NUP54: variants seen among roughly 807,000 people sequenced by gnomAD.
NUP54 encodes the protein nucleoporin 54, also known as nucleoporin p54.
Under a neutral mutation model 66.4 loss-of-function variants are expected in NUP54, and 27 were observed. The ratio of observed to expected loss-of-function variants is 0.41; its 90% CI spans 0.30 to 0.56. The LOEUF (loss-of-function observed/expected upper bound fraction) is 0.56, where lower values mean the gene tolerates loss of function less well. NUP54 is among the 20% of genes least tolerant of loss of function. NUP54 has a pLI of 0.34. For missense variants in NUP54, 486 were observed against 596.3 expected (o/e 0.82, Z 1.93); for synonymous variants, 206 against 210.7 (o/e 0.98, Z 0.19).
chr4:76,127,432 CAA>C (rs59383944), intron 8 of NUP54, among the ~76,000 whole-genome samples: 7 of 54,772 alleles, frequency 1.3e-4, no homozygotes, highest in Admixed American at 2.2e-4. Context: ...ACCCCCATCT[CAA>C]AAAAAAAAAA....
chr4:76,137,183 G>A (rs533344003), intron 3 of NUP54, among the ~76,000 whole-genome samples: 1 of 152,208 alleles, frequency 6.6e-6, no homozygotes, highest in East Asian at 1.9e-4. Flanking sequence ...TTTTTGTAGA[G>A]ACAGGGTCTT....
rs757576656 is a variant in NUP54, at chr4:76,136,321, C to T, written c.387G>A (p.Leu129=). The T allele has an allele frequency of 1.9e-6, 3 of 1,614,058 alleles. No individual in the cohort carries two copies. In the Middle Eastern group the frequency reaches 4.9e-4, roughly 266 times the overall value. ...NTASALSAPT[L]LGDERDAILA... is the part of the protein sequence containing the mutation. Reference sequence around the variant, plus strand: ...AAATAGCATCTCTCTCATCTCCCAACAGCGTTGGAGCAGAAAGAGCACTCG... The same window carrying T: ...AAATAGCATCTCTCTCATCTCCCAATAGCGTTGGAGCAGAAAGAGCACTCG... The change falls in exon 4 of 12, where the codon CTG becomes CTA. Residue 129 remains leucine (L), a synonymous_variant. Coordinates refer to ENST00000264883, the MANE Select transcript of NUP54 (RefSeq NM_017426.4).
chr4:76,132,624 T>C lies in NUP54; in HGVS notation c.806A>G (p.Asn269Ser), dbSNP rs777134098. ...AAGTTGCTGCAATTGTGTTTTTATA[T>C]TGGCTTGTTCAAAATGGGCATATAG... ...TTLYAHFEQA[N>S]IKTQLQQLGV... is the part of the protein sequence containing the mutation. Residue 269 changes from asparagine to serine, a missense_variant, in exon 6 of 12, where the codon AAT (asparagine) becomes AGT (serine). Asn to Ser is a conservative substitution (Grantham distance 46). Coordinates refer to ENST00000264883, the MANE Select transcript of NUP54 (RefSeq NM_017426.4). 1.4e-5 allele frequency: 22 copies of C among 1,614,026 alleles called. No homozygotes were observed. Among genetic ancestry groups the C allele is most frequent in the East Asian group, 2.2e-5 (1 of 44,882 alleles).
intron 8 of NUP54, among the ~76,000 whole-genome samples, chr4:76,126,634 ACCATCTAGGAATTGATCCAAGAAAG>A (rs60893726): frequency 0.13 from 19,890 of 152,100 alleles, 1,511 homozygotes; most frequent in East Asian, 0.34. Context: ...AAATACTAAA[ACCATCTAGGAATTGATCCAAGAAAG>A]CCATCTAGGA....
intron 8 of NUP54, among the ~76,000 whole-genome samples, chr4:76,129,468 G>A (rs1440987954): frequency 6.6e-6 from 1 of 152,126 alleles, no homozygotes; most frequent in African/African-American, 2.4e-5. Context: ...ATACAGAACT[G>A]AGCAATACTA....
At position 76,125,316 on chromosome 4, in the gene NUP54, T is replaced by TCACACACA. The variant is rs34954421; in HGVS notation, c.1057-568_1057-561dup. ...AAACAAAAAACAGAGTGAGACTCCA[T>TCACACACA]CACACACACACACACACACACACAC... is the stretch of plus-strand genomic sequence containing the variant. On this transcript the variant is annotated intron_variant, in intron 8 of 11. Transcript: ENST00000264883. 5.6e-3 allele frequency among the ~76,000 whole-genome samples: 697 copies of TCACACACA among 125,382 alleles called. 9 individuals are homozygous for TCACACACA. Among genetic ancestry groups the TCACACACA allele is most frequent in the African/African-American group, 0.017 (624 of 36,756 alleles). The allele number at this position is 125,382 out of a possible 152,430, so 82.3% of individuals were successfully genotyped here. A position where few individuals can be genotyped will look rare whatever the true frequency, so the allele number is the denominator to read the frequency against.
intron 3 of NUP54, among the ~76,000 whole-genome samples, chr4:76,137,697 C>G (rs1190875626): frequency 2.0e-5 from 3 of 152,098 alleles, no homozygotes; most frequent in Non-Finnish European, 2.9e-5. Flanking sequence ...GTTCTTAGGG[C>G]AGATAAATAT....
intron 11 of NUP54, among the ~76,000 whole-genome samples, chr4:76,116,115 C>T (rs1173228111): frequency 1.3e-5 from 2 of 152,194 alleles, no homozygotes; most frequent in Non-Finnish European, 2.9e-5. Context: ...CAAAACAATA[C>T]ACTGCTCATA....
chr4:76,147,348 G>C, intron 1 of NUP54: 1 of 527,762 alleles, frequency 1.9e-6, no homozygotes, highest in Non-Finnish European at 2.8e-6. Flanking sequence ...AGATGTTTTT[G>C]ATTCGAGATA....
chr4:76,132,860 C>CT (rs375936861), intron 5 of NUP54, 141 bp from the exon 6 acceptor site: 37,823 of 511,342 alleles, frequency 0.074, 8 homozygotes, highest in East Asian at 0.097. Flanking sequence ...AAAATGTTTC[C>CT]TTTTTTTTTT....
chr4:76,125,459 C>T (rs1730440538), intron 8 of NUP54, among the ~76,000 whole-genome samples: 2 of 151,204 alleles, frequency 1.3e-5, no homozygotes, highest in South Asian at 2.1e-4. Context: ...AATGGCAAGA[C>T]CTTGTCTCTA....
intron 5 of NUP54, among the ~76,000 whole-genome samples, chr4:76,133,679 T>C (rs535919957): frequency 6.6e-6 from 1 of 152,314 alleles, no homozygotes; most frequent in Admixed American, 6.5e-5. Flanking sequence ...TATAGGAAAT[T>C]CTGTTGAAAT....
At position 76,144,382 on chromosome 4, in the gene NUP54, C is replaced by A. The variant is rs775508536; in HGVS notation, c.151+8G>T. ...TACTTCTATGAATGACTTAAGATGG[C>A]CTCTTACCAGTAGTGCCTGTGTTAG... On this transcript the variant is annotated splice_region_variant and intron_variant, in intron 2 of 11. Coordinates refer to ENST00000264883, the MANE Select transcript of NUP54 (RefSeq NM_017426.4). 6.2e-7 allele frequency: 1 copy of A among 1,603,536 alleles called. No individual in the cohort carries two copies. The highest frequency in any genetic ancestry group is 1.4e-5 in the African/African-American group (1 of 73,984).
At chr4:76,146,930 T>C (rs1208001018) in intron 1 of NUP54, among the ~76,000 whole-genome samples, 1 of 152,236 alleles carries the variant, frequency 6.6e-6, no homozygotes, top group Non-Finnish European at 1.5e-5. Flanking sequence ...GGATTCTTTC[T>C]ATAATTACAA....
At chr4:76,120,678 C>A (rs192723719) in intron 9 of NUP54, among the ~76,000 whole-genome samples, 1 of 152,128 alleles carries the variant, frequency 6.6e-6, no homozygotes, top group Non-Finnish European at 1.5e-5. Flanking sequence ...CCACCCGCCT[C>A]GGCCTCCCAG....
Position 76,115,452 on chromosome 4 carries a change from T to C in NUP54, c.1438A>G (p.Ile480Val). ...QQEGLSHLISIIKDDLEDIKL... is the reference protein window; with the variant it reads ...QQEGLSHLISVIKDDLEDIKL... The stretch of plus-strand genomic sequence containing the variant: ...ATATCTTCTAGATCGTCTTTAATGA[T>C]GCTAATCAAATGGCTAAGGCCTTCC... Residue 480 changes from isoleucine to valine, a missense_variant, in exon 12 of 12, where the codon ATC (isoleucine) becomes GTC (valine). Coordinates refer to ENST00000264883, the MANE Select transcript of NUP54 (RefSeq NM_017426.4). The C allele has an allele frequency of 6.2e-7, 1 of 1,611,218 alleles. No individual in the cohort carries two copies. The highest frequency in any genetic ancestry group is 8.5e-7 in the Non-Finnish European group (1 of 1,178,754).
At position 76,116,476 on chromosome 4, in the gene NUP54, T is replaced by C. The variant is rs77793062; in HGVS notation, c.1396-982A>G. Among the ~76,000 whole-genome samples, 936 of 152,326 alleles carry C rather than the reference T, an allele frequency of 6.1e-3. 23 individuals carry two copies. The highest frequency in any genetic ancestry group is 0.021 in the African/African-American group (893 of 41,572). ...ATTTTCTTTAGATACAACTGTTCAT[T>C]TTCATTAAACCAATCTGCATTTATA... On this transcript the variant is annotated intron_variant, in intron 11 of 11. Transcript: ENST00000264883.
At chr4:76,144,733 C>T (rs1731414017) in intron 1 of NUP54, among the ~76,000 whole-genome samples, 3 of 152,112 alleles carry the variant, frequency 2.0e-5, no homozygotes, top group Admixed American at 2.0e-4. Context: ...GGGTGGTTAA[C>T]AGTTACAGCT....
At chr4:76,130,004 G>T (rs1360529681) in intron 8 of NUP54, among the ~76,000 whole-genome samples, 2 of 47,204 alleles carry the variant, frequency 4.2e-5, no homozygotes, top group East Asian at 5.1e-4. Context: ...TTTTTTTTGA[G>T]GAGTCTCACT....
Sources: allele counts gnomAD v4.1 joint callset (sites outside exome capture counted in the v4.1 genomes callset), GRCh38; gene constraint gnomAD v4.1.1; transcripts MANE v1.5; gene names NCBI Gene and HGNC (gene_info 2026-07-23, HGNC 2026-07-21).